ESR2: variants seen among roughly 807,000 people sequenced by gnomAD.
ESR2 encodes the protein estrogen receptor 2, also known as estrogen receptor beta.
In ESR2, 36 loss-of-function variants were observed where a neutral mutation model predicts 49.6. That is an observed-to-expected ratio of 0.73 (90% CI 0.56 to 0.96). The LOEUF (loss-of-function observed/expected upper bound fraction) is 0.96, where lower values mean the gene tolerates loss of function less well. Among genes scored for constraint, ESR2 ranks in the 40% least tolerant of loss-of-function variants. ESR2 has a pLI of 0.00. For synonymous variants in ESR2, 320 were observed against 266.1 expected (o/e 1.20, Z -1.97); for missense variants, 714 against 693.0 (o/e 1.03, Z -0.34).
intron 5 of ESR2, among the ~76,000 whole-genome samples, chr14:64,258,324 AG>A (rs1252772973): frequency 3.3e-5 from 5 of 152,196 alleles, no homozygotes; most frequent in African/African-American, 1.2e-4. Context: ...ATCTCTGGGG[AG>A]GGAAGCACTT....
At chr14:64,311,706 T>C (rs1356803795) in intron 1 of ESR2, among the ~76,000 whole-genome samples, 1 of 150,092 alleles carries the variant, frequency 6.7e-6, no homozygotes, top group Non-Finnish European at 1.5e-5. Context: ...ACCAGCTATT[T>C]GGTAGGCTGA....
chr14:64,333,348 A>T (rs1192637166), intron 1 of ESR2, among the ~76,000 whole-genome samples: 1 of 152,124 alleles, frequency 6.6e-6, no homozygotes, highest in Non-Finnish European at 1.5e-5. Flanking sequence ...TTCAGACTTA[A>T]TTCTGGTTAA....
Position 64,270,515 on chromosome 14 carries a change from ATTT to A in ESR2, c.536-1607_536-1605del, listed in dbSNP as rs199521998. On this transcript the variant is annotated intron_variant, in intron 3 of 8. Transcript: ENST00000341099. ...CACATTAGCAAACAATGAAAAGGTAATTTTTTTTTTTTTGAGACAGAACCTTCC... is the reference window on the plus strand; with the variant it reads ...CACATTAGCAAACAATGAAAAGGTAATTTTTTTTTTGAGACAGAACCTTCC... Among the ~76,000 whole-genome samples the A allele has an allele frequency of 9.0e-3, 1,326 of 147,056 alleles. 21 individuals carry two copies. Among genetic ancestry groups the A allele is most frequent in the African/African-American group, 0.031 (1,257 of 40,360 alleles).
intron 6 of ESR2, among the ~76,000 whole-genome samples, chr14:64,253,560 TTGTGTGTG>T (rs752711685): frequency 0.035 from 4,800 of 136,614 alleles, 76 homozygotes; most frequent in East Asian, 0.061. Flanking sequence ...GGTACACTAT[TTGTGTGTG>T]TGTGTGTGTG....
chr14:64,236,504 A>G (rs1187007936), intron 7 of ESR2, among the ~76,000 whole-genome samples: 1 of 151,962 alleles, frequency 6.6e-6, no homozygotes, highest in African/African-American at 2.4e-5. Context: ...ATGACTTCCC[A>G]GCTCATAGGA....
chr14:64,248,933 A>G (rs2075926952), intron 7 of ESR2, among the ~76,000 whole-genome samples: 1 of 152,216 alleles, frequency 6.6e-6, no homozygotes, highest in Non-Finnish European at 1.5e-5. Flanking sequence ...AAGCCTGGGC[A>G]GCAGTTTCTA....
At chr14:64,254,248 T>A (rs919870569) in intron 6 of ESR2, among the ~76,000 whole-genome samples, 3 of 152,194 alleles carry the variant, frequency 2.0e-5, no homozygotes, top group African/African-American at 7.2e-5. Flanking sequence ...TATTTTCAAA[T>A]GGTGTGAAGA....
At position 64,260,566 on chromosome 14, in the gene ESR2, G is replaced by A; in HGVS notation, c.835C>T (p.His279Tyr). 6.3e-7 allele frequency: 1 copy of A among 1,598,366 alleles called. No homozygotes were observed. The highest frequency in any genetic ancestry group is 8.5e-7 in the Non-Finnish European group (1 of 1,171,458). Reference sequence around the variant, plus strand: ...GCACTGGGGCGGCTGATCAGCACATGGGGCGGCTCAGCCTCCAGGAGGGTG... The same window carrying A: ...GCACTGGGGCGGCTGATCAGCACATAGGGCGGCTCAGCCTCCAGGAGGGTG... The part of the protein sequence containing the change: ...VLTLLEAEPP[H>Y]VLISRPSAPF... Residue 279 changes from histidine (H) to tyrosine (Y), a missense_variant, in exon 5 of 9, where the codon CAT becomes TAT. Coordinates refer to ENST00000341099, the MANE Select transcript of ESR2 (RefSeq NM_001437.3).
At chr14:64,246,978 A>T (rs1317718151) in intron 7 of ESR2, among the ~76,000 whole-genome samples, 1 of 152,064 alleles carries the variant, frequency 6.6e-6, no homozygotes, top group Non-Finnish European at 1.5e-5. Context: ...GTACCTTCAC[A>T]TGGCCTTCAG....
chr14:64,326,645 T>C (rs1212157292), intron 1 of ESR2, among the ~76,000 whole-genome samples: 1 of 152,148 alleles, frequency 6.6e-6, no homozygotes, highest in Non-Finnish European at 1.5e-5. Flanking sequence ...AGCACATGAC[T>C]GCCTTTATAC....
intron 1 of ESR2, chr14:64,336,558 C>T (rs1416361764): frequency 6.6e-6 from 1 of 152,134 alleles, no homozygotes; most frequent in Non-Finnish European, 1.5e-5. Flanking sequence ...ACACACTGGA[C>T]TCTTCTTTTC....
Position 64,257,280 on chromosome 14 carries a change from C to T in ESR2, c.1037G>A (p.Arg346His), listed in dbSNP as rs1339881550. Residue 346 changes from arginine to histidine, a missense_variant, in exon 6 of 9, where the codon CGC (arginine) becomes CAC (histidine). Arg to His is a conservative substitution (Grantham distance 29). Transcript: ENST00000341099. ...GAGCTTGCCGGGGTGGTCAATTGAG[C>T]GCCACATCAGCCCCATCATTAACAC... is the stretch of plus-strand genomic sequence containing the variant. The part of the protein sequence containing the change: ...MEVLMMGLMW[R>H]SIDHPGKLIF... 8 of 1,614,000 alleles carry T rather than the reference C, an allele frequency of 5.0e-6. No individual in the cohort carries two copies. The highest frequency in any genetic ancestry group is 1.3e-5 in the African/African-American group (1 of 74,918).
At chr14:64,331,822 C>CAAAAA (rs368932180) in intron 1 of ESR2, among the ~76,000 whole-genome samples, 11 of 52,406 alleles carry the variant, frequency 2.1e-4, no homozygotes, top group East Asian at 2.1e-3. Flanking sequence ...GACTCCATCT[C>CAAAAA]AAAAAAAAAA....
At chr14:64,248,513 A>AG (rs1261399265) in intron 7 of ESR2, among the ~76,000 whole-genome samples, 2 of 151,012 alleles carry the variant, frequency 1.3e-5, no homozygotes, top group Admixed American at 6.6e-5. Context: ...CTCAAAAAAA[A>AG]AAAAAAAAAG....
intron 1 of ESR2, among the ~76,000 whole-genome samples, chr14:64,288,611 GTGC>G (rs2076820109): frequency 1.3e-5 from 2 of 151,932 alleles, no homozygotes; most frequent in Admixed American, 6.6e-5. Context: ...GGCTCCCAAA[GTGC>G]TGGGATTACA....
intron 1 of ESR2, chr14:64,330,900 G>A (rs1260648891): frequency 6.6e-6 from 1 of 150,500 alleles, no homozygotes; most frequent in Admixed American, 6.6e-5. Context: ...GTTCCAGCCT[G>A]GGTGACAGAG....
At chr14:64,261,239 C>CTTTT (rs58982771) in intron 4 of ESR2, among the ~76,000 whole-genome samples, 3 of 127,082 alleles carry the variant, frequency 2.4e-5, no homozygotes, top group Non-Finnish European at 3.1e-5. Context: ...TTTCTTTTTT[C>CTTTT]TTTTTTTTTT....
chr14:64,279,429 G>A (rs534380268), intron 3 of ESR2, among the ~76,000 whole-genome samples: 1 of 152,166 alleles, frequency 6.6e-6, no homozygotes, highest in East Asian at 1.9e-4. Context: ...GAAAGTTAGG[G>A]AAATAATCTA....
downstream of ESR2, chr14:64,227,983 AAAT>A (rs777964107): frequency 1.3e-6 from 2 of 1,573,452 alleles, no homozygotes; most frequent in Admixed American, 3.6e-5. Flanking sequence ...AAATCTATCC[AAAT>A]AATCGATGCA....
Sources: gnomAD v4.1 joint callset for allele counts (sites outside exome capture counted in the v4.1 genomes callset) on GRCh38, gnomAD v4.1.1 for gene constraint, MANE v1.5 for transcripts, NCBI Gene and HGNC (gene_info 2026-07-23, HGNC 2026-07-21) for gene names.